Variants in PICALM observed in about 807,000 individuals in gnomAD.
PICALM encodes phosphatidylinositol binding clathrin assembly protein, also known as phosphatidylinositol-binding clathrin assembly protein.
Under a neutral mutation model 80.5 loss-of-function variants are expected in PICALM, and 40 were observed. That is an observed-to-expected ratio of 0.50 (90% CI 0.39 to 0.65). PICALM has a LOEUF of 0.65. Ranked by LOEUF, PICALM falls within the 30% of genes least tolerant of loss-of-function variation. The probability of loss-of-function intolerance (pLI) is 0.00; values close to 1 mark genes in which losing one functional copy is unlikely to be tolerated. For missense variants in PICALM, 676 were observed against 778.9 expected (o/e 0.87, Z 1.57); for synonymous variants, 288 against 260.3 (o/e 1.11, Z -1.02).
chr11:85,968,896 T>C (rs2093998499), intron 19 of PICALM, among the ~76,000 whole-genome samples: 1 of 151,934 alleles, frequency 6.6e-6, no homozygotes, highest in African/African-American at 2.4e-5. Context: ...CAATAGTATC[T>C]GTTGTTAAAC....
intron 7 of PICALM, among the ~76,000 whole-genome samples, chr11:86,008,837 T>A (rs1351293967): frequency 6.8e-6 from 1 of 148,102 alleles, no homozygotes; most frequent in Non-Finnish European, 1.5e-5. Flanking sequence ...ACGCCTGTAA[T>A]CCCAGCTCTC....
intron 1 of PICALM, among the ~76,000 whole-genome samples, chr11:86,066,460 C>CA (rs2096449591): frequency 6.6e-6 from 1 of 152,086 alleles, no homozygotes; most frequent in Non-Finnish European, 1.5e-5. Context: ...ACGACAAATG[C>CA]AAGATTATCC....
chr11:86,027,449 T>C (rs1401113197), intron 2 of PICALM, among the ~76,000 whole-genome samples: 1 of 152,020 alleles, frequency 6.6e-6, no homozygotes, highest in East Asian at 1.9e-4. Context: ...TTTTAATGCA[T>C]GTAGAGGCTA....
At chr11:86,038,134 A>G (rs1410292974) in intron 1 of PICALM, among the ~76,000 whole-genome samples, 1 of 152,158 alleles carries the variant, frequency 6.6e-6, no homozygotes, top group Admixed American at 6.5e-5. Flanking sequence ...AGCCTGGCCA[A>G]TATGGTGAAA....
intron 7 of PICALM, among the ~76,000 whole-genome samples, chr11:86,010,663 A>G (rs1355193224): frequency 6.6e-6 from 1 of 152,160 alleles, no homozygotes; most frequent in African/African-American, 2.4e-5. Flanking sequence ...GTCTCACTGG[A>G]AAGAAACCTG....
At position 86,018,201 on chromosome 11, in the gene PICALM, T is replaced by C. The variant is rs986526264; in HGVS notation, c.453-3238A>G. 3.3e-5 allele frequency among the ~76,000 whole-genome samples: 5 copies of C among 152,070 alleles called. No homozygotes were observed. In the South Asian group the frequency reaches 8.3e-4, roughly 25 times the overall value. The stretch of plus-strand genomic sequence containing the variant: ...CAATGGAAAAGAGTGAAAAACCCAA[T>C]AGAGAAGCTGTCAATGGACATCAAA... On this transcript the variant is annotated intron_variant, in intron 4 of 19. Coordinates refer to ENST00000393346, the MANE Select transcript of PICALM (RefSeq NM_007166.4).
chr11:85,971,490 C>T (rs926738503), intron 19 of PICALM, among the ~76,000 whole-genome samples: 3 of 151,052 alleles, frequency 2.0e-5, no homozygotes, highest in African/African-American at 4.9e-5. Context: ...AATCCCAGCA[C>T]TTTGGGAGGC....
chr11:85,995,773 A>G (rs186646013), intron 12 of PICALM, among the ~76,000 whole-genome samples: 1 of 152,320 alleles, frequency 6.6e-6, no homozygotes, highest in East Asian at 1.9e-4. Flanking sequence ...AGAACATAAC[A>G]TTAGGATATT....
rs756175426 is a variant in PICALM at position 85,960,816 on chromosome 11, G to A, written c.1945-1756C>T. On this transcript the variant is annotated intron_variant, in intron 19 of 19. Coordinates refer to ENST00000393346, the MANE Select transcript of PICALM (RefSeq NM_007166.4). ...AGACAGAGAGAGGGAAAGAAAAAAA[G>A]ATCTCAGAATGACAGAACATGAAAG... 4 of 961,500 alleles carry A rather than the reference G, an allele frequency of 4.2e-6. No homozygotes were observed. In the South Asian group the frequency reaches 6.2e-5, roughly 15 times the overall value. The allele number at this position is 961,500 out of a possible 1,614,324, so 59.6% of individuals were successfully genotyped here. A position where few individuals can be genotyped will look rare whatever the true frequency, so the allele number is the denominator to read the frequency against.
intron 1 of PICALM, among the ~76,000 whole-genome samples, chr11:86,034,489 G>A (rs1243044876): frequency 6.6e-6 from 1 of 152,124 alleles, no homozygotes; most frequent in Non-Finnish European, 1.5e-5. Flanking sequence ...CAATCCAGAA[G>A]ATACTATTTC....
chr11:86,068,713 G>A lies in PICALM; in HGVS notation c.68C>T (p.Ser23Phe). The change falls in exon 1 of 20, where the codon TCC becomes TTC. Residue 23 changes from serine (S) to phenylalanine (F), a missense_variant. Ser to Phe is a radical substitution (Grantham distance 155, BLOSUM62 -2). Around this residue, in one of 2 missense-constraint regions of PICALM, gnomAD observed 285 missense variants for 395.4 expected, o/e 0.72. Coordinates refer to ENST00000393346, the MANE Select transcript of PICALM (RefSeq NM_007166.4). ...GGTCGTGGCCTTGCATACTGTCTTG[G>A]ATACGGCAGAGCCGGTGACACTGTG... The part of the protein sequence containing the change: ...AQHSVTGSAV[S>F]KTVCKATTHE... The A allele has an allele frequency of 6.2e-7, 1 of 1,613,324 alleles. No homozygotes were observed. Among genetic ancestry groups the A allele is most frequent in the Non-Finnish European group, 8.5e-7 (1 of 1,179,836 alleles).
chr11:86,052,539 G>A (rs908874972), intron 1 of PICALM, among the ~76,000 whole-genome samples: 2 of 152,112 alleles, frequency 1.3e-5, no homozygotes, highest in African/African-American at 4.8e-5. Context: ...TAGAGACTCG[G>A]AAATCCCCAA....
At chr11:85,979,821 A>C (rs943289656) in intron 17 of PICALM, among the ~76,000 whole-genome samples, 1 of 152,252 alleles carries the variant, frequency 6.6e-6, no homozygotes, top group African/African-American at 2.4e-5. Context: ...CACAGCTACT[A>C]GCCTACTGTC....
intron 3 of PICALM, 116 bp from the exon 4 acceptor site, chr11:86,022,585 C>A: frequency 1.9e-6 from 1 of 537,818 alleles, no homozygotes; most frequent in Middle Eastern, 2.7e-4. Flanking sequence ...TATAAAATGT[C>A]TTGATATCCC....
intron 4 of PICALM, among the ~76,000 whole-genome samples, chr11:86,022,047 A>T (rs2095573053): frequency 6.6e-6 from 1 of 152,176 alleles, no homozygotes; most frequent in Non-Finnish European, 1.5e-5. Context: ...TAATAGGTAT[A>T]GAGTTTCTTT....
At chr11:85,994,015 T>C (rs570551232) in intron 12 of PICALM, among the ~76,000 whole-genome samples, 2 of 152,154 alleles carry the variant, frequency 1.3e-5, no homozygotes, top group East Asian at 3.9e-4. Flanking sequence ...CCACTGCACC[T>C]GCCCAGATAA....
chr11:86,008,963 A>G (rs1366799483), intron 7 of PICALM, among the ~76,000 whole-genome samples: 5 of 151,346 alleles, frequency 3.3e-5, no homozygotes, highest in Non-Finnish European at 7.4e-5. Flanking sequence ...AAAAAAAAAA[A>G]AAAAGAAAAA....
intron 13 of PICALM, among the ~76,000 whole-genome samples, chr11:85,985,149 C>A (rs972278584): frequency 6.6e-6 from 1 of 152,040 alleles, no homozygotes; most frequent in African/African-American, 2.4e-5. Flanking sequence ...CCCTTTCTTC[C>A]CCTCCTCTAT....
At chr11:86,017,681 G>A (rs2095502282) in intron 4 of PICALM, among the ~76,000 whole-genome samples, 1 of 152,162 alleles carries the variant, frequency 6.6e-6, no homozygotes, top group South Asian at 2.1e-4. Flanking sequence ...GGTTATAAGT[G>A]TGCCAAGATG....
Sources: allele counts gnomAD v4.1 joint callset (sites outside exome capture counted in the v4.1 genomes callset), GRCh38; gene constraint gnomAD v4.1.1; regional missense constraint gnomAD v4.1.1; transcripts MANE v1.5; gene names NCBI Gene and HGNC (gene_info 2026-07-23, HGNC 2026-07-21).